HEPH: variants seen among roughly 807,000 people sequenced by gnomAD.
The protein encoded by HEPH is hephaestin.
A neutral mutation model predicts 80.8 loss-of-function variants in HEPH; 69 were observed. The ratio of observed to expected loss-of-function variants is 0.85; its 90% CI spans 0.70 to 1.04. The LOEUF is 1.04. Among genes scored for constraint, HEPH ranks in the 50% least tolerant of loss-of-function variants. HEPH has a pLI of 0.00. For synonymous variants in HEPH, 431 were observed against 322.8 expected (o/e 1.34, Z -3.60); for missense variants, 1,115 against 891.3 (o/e 1.25, Z -3.20).
rs2087595407 is a variant in HEPH at position 66,188,342 on chromosome X, T to C, written c.626-17T>C. On this transcript the variant is annotated splice_polypyrimidine_tract_variant and intron_variant, in intron 4 of 20. Transcript: ENST00000343002. ...AGGAAAGGATCTTCTCAAGGGAAAC[T>C]GTCTTACTTGCCCTAGGAGCCCTGG... 2 of 1,154,252 alleles carry C rather than the reference T, an allele frequency of 1.7e-6. No homozygotes were observed. The highest frequency in any genetic ancestry group is 4.0e-5 in the South Asian group (2 of 49,848).
intron 4 of HEPH, among the ~76,000 whole-genome samples, chrX:66,177,986 G>A (rs753637399): frequency 9.0e-6 from 1 of 111,266 alleles, no homozygotes; most frequent in South Asian, 3.8e-4. Context: ...GGGTACATGT[G>A]CACAACGTGC....
chrX:66,262,913 G>T (rs1161298410), intron 19 of HEPH, among the ~76,000 whole-genome samples: 1 of 111,574 alleles, frequency 9.0e-6, no homozygotes, highest in African/African-American at 3.3e-5. Flanking sequence ...TGATAACAAG[G>T]TTAATGTGAC....
rs760576093 is a variant in HEPH, at chrX:66,266,554, T to C, written c.3359T>C (p.Leu1120Pro). ...TTGGTTGCCATTAGTGTCACCCTTCTGCTCGTTGTTCTGGCTCTTGGTGGA... is the reference window on the plus strand; with the variant it reads ...TTGGTTGCCATTAGTGTCACCCTTCCGCTCGTTGTTCTGGCTCTTGGTGGA... ...SVLVAISVTL[L>P]LVVLALGGVV... The change falls in exon 21 of 21, where the codon CTG becomes CCG. Residue 1120 changes from leucine to proline, a missense_variant. This residue lies in a region of HEPH where 716 missense variants were observed against 523.5 expected (regional missense o/e 1.37). Coordinates refer to ENST00000343002, the MANE Select transcript of HEPH (RefSeq NM_001367233.3). 8.3e-7 allele frequency: 1 copy of C among 1,210,440 alleles called. No individual in the cohort carries two copies. The highest frequency in any genetic ancestry group is 1.8e-5 in the South Asian group (1 of 56,874).
intron 15 of HEPH, among the ~76,000 whole-genome samples, chrX:66,244,929 T>A (rs1204759786): frequency 9.1e-6 from 1 of 110,340 alleles, no homozygotes; most frequent in Admixed American, 9.7e-5. Flanking sequence ...TTAAAAATAT[T>A]TTAGTACATA....
intron 1 of HEPH, among the ~76,000 whole-genome samples, chrX:66,168,972 T>A (rs1249456040): frequency 8.9e-6 from 1 of 111,996 alleles, no homozygotes; most frequent in Non-Finnish European, 1.9e-5. Flanking sequence ...TGGCTGTTGC[T>A]ATAGGCATAT....
chrX:66,238,159 C>T (rs2090434119), intron 15 of HEPH, among the ~76,000 whole-genome samples: 1 of 111,229 alleles, frequency 9.0e-6, no homozygotes, highest in Admixed American at 9.5e-5. Context: ...AATCTGTCAT[C>T]ATATTAGCTG....
At chrX:66,237,336 T>C (rs2090402943) in intron 15 of HEPH, among the ~76,000 whole-genome samples, 1 of 111,920 alleles carries the variant, frequency 8.9e-6, no homozygotes, top group Non-Finnish European at 1.9e-5. Context: ...TGCACCTTTG[T>C]TCTCACTGGT....
At chrX:66,208,053 A>G (rs2147846644) in intron 14 of HEPH, 62 bp from the exon 15 acceptor site, 1 of 902,217 alleles carries the variant, frequency 1.1e-6, no homozygotes, top group East Asian at 3.4e-5. Context: ...CCTTTCTTTA[A>G]TGCTCCCTGT....
intron 20 of HEPH, among the ~76,000 whole-genome samples, 179 bp downstream of exon 20, chrX:66,263,867 A>G (rs1366019792): frequency 9.0e-6 from 1 of 111,019 alleles, no homozygotes; most frequent in East Asian, 2.8e-4. Context: ...AGCTTCCCTC[A>G]GCAGGTTTAT....
chrX:66,173,994 C>T (rs942283604), intron 4 of HEPH, among the ~76,000 whole-genome samples, 193 bp downstream of exon 4: 1 of 109,241 alleles, frequency 9.2e-6, no homozygotes, highest in Non-Finnish European at 1.9e-5. Flanking sequence ...TACTTTTTTT[C>T]TTTGTTTGTG....
At chrX:66,202,796 A>T (rs1437922872) in intron 12 of HEPH, among the ~76,000 whole-genome samples, 1 of 109,069 alleles carries the variant, frequency 9.2e-6, no homozygotes, top group Non-Finnish European at 1.9e-5. Context: ...AGCACTGTTC[A>T]CAAATTATTG....
chrX:66,251,254 T>A (rs2090997076), intron 15 of HEPH, among the ~76,000 whole-genome samples: 2 of 111,862 alleles, frequency 1.8e-5, no homozygotes, highest in Admixed American at 1.9e-4. Context: ...TAAGGGGATA[T>A]TTAACTTTAT....
chrX:66,262,446 C>T (rs1328210600), intron 19 of HEPH, among the ~76,000 whole-genome samples: 1 of 111,530 alleles, frequency 9.0e-6, no homozygotes, highest in Non-Finnish European at 1.9e-5. Flanking sequence ...GAATGAAAGG[C>T]AGGTTATAGG....
intron 12 of HEPH, among the ~76,000 whole-genome samples, chrX:66,201,049 T>C (rs1290810661): frequency 9.1e-6 from 1 of 110,309 alleles, no homozygotes; most frequent in Non-Finnish European, 1.9e-5. Context: ...TGGCAGGGAG[T>C]GGACTTGACA....
At chrX:66,209,100 T>G (rs1476377727) in intron 15 of HEPH, among the ~76,000 whole-genome samples, 1 of 112,055 alleles carries the variant, frequency 8.9e-6, no homozygotes, top group Non-Finnish European at 1.9e-5. Flanking sequence ...AGTGAACACT[T>G]GCTCCTGTCT....
intron 20 of HEPH, among the ~76,000 whole-genome samples, chrX:66,265,018 A>G (rs1187289436): frequency 9.1e-6 from 1 of 110,051 alleles, no homozygotes; most frequent in Non-Finnish European, 1.9e-5. Context: ...TGTTCTAATA[A>G]AACTCAATAA....
At chrX:66,260,364 C>A in intron 19 of HEPH, 102 bp downstream of exon 19, 1 of 644,354 alleles carries the variant, frequency 1.6e-6, no homozygotes, top group African/African-American at 2.2e-5. Flanking sequence ...CTTCTGATCC[C>A]ACAATAAGCA....
chrX:66,263,566 T>C, intron 19 of HEPH, 78 bp from the exon 20 acceptor site: 1 of 1,078,002 alleles, frequency 9.3e-7, no homozygotes, highest in South Asian at 1.9e-5. Flanking sequence ...GCAACCAATG[T>C]TGACCTTTCA....
intron 12 of HEPH, 27 bp downstream of exon 12, chrX:66,200,779 A>G: frequency 3.5e-6 from 4 of 1,155,193 alleles, no homozygotes; most frequent in Non-Finnish European, 4.7e-6. Context: ...CTGGCCCTAG[A>G]GGCTTTGTTG....
Sources: gnomAD v4.1 joint callset for allele counts (sites outside exome capture counted in the v4.1 genomes callset) on GRCh38, gnomAD v4.1.1 for gene constraint, gnomAD v4.1.1 regional missense constraint, MANE v1.5 for transcripts, NCBI Gene and HGNC (gene_info 2026-07-23, HGNC 2026-07-21) for gene names.